ABCA12: variants seen among roughly 807,000 people sequenced by gnomAD.
The protein encoded by ABCA12 is ATP binding cassette subfamily A member 12.
A neutral mutation model predicts 293.5 loss-of-function variants in ABCA12; 156 were observed. The ratio of observed to expected loss-of-function variants is 0.53; its 90% CI spans 0.47 to 0.61. ABCA12 has a LOEUF of 0.61. Among genes scored for constraint, ABCA12 ranks in the 20% least tolerant of loss-of-function variants. ABCA12 has a pLI of 0.00. For synonymous variants in ABCA12, 1,063 were observed against 1,108.0 expected, an observed-to-expected ratio of 0.96 and a Z score of 0.81; for missense variants, 2,797 against 3,090.2, an observed-to-expected ratio of 0.91 and a Z score of 2.25.
chr2:215,036,952 C>A lies in ABCA12; in HGVS notation c.985+1G>T. ...AACACAGTAAGATGGAAATATAATA[C>A]CTTGAGCTGGGGAGTCCAGAGTGTA... On this transcript the variant is annotated splice_donor_variant, in intron 8 of 52. Transcript: ENST00000272895. LOFTEE classifies it high-confidence loss of function. 6.2e-7 allele frequency: 1 copy of A among 1,612,736 alleles called. No individual in the cohort carries two copies. The highest frequency in any genetic ancestry group is 1.1e-5 in the South Asian group (1 of 91,054).
chr2:215,087,069 A>C (rs1281101427), intron 2 of ABCA12, among the ~76,000 whole-genome samples: 1 of 152,022 alleles, frequency 6.6e-6, no homozygotes, highest in African/African-American at 2.4e-5. Flanking sequence ...CAGCTTCCCA[A>C]GTAGCTGGGA....
intron 2 of ABCA12, among the ~76,000 whole-genome samples, chr2:215,106,862 T>C (rs182759704): frequency 1.3e-5 from 2 of 152,242 alleles, no homozygotes; most frequent in East Asian, 3.9e-4. Flanking sequence ...TAATATAAAT[T>C]TGGATATAAT....
Position 214,973,403 on chromosome 2 carries a change from G to A in ABCA12, c.5562+546C>T, listed in dbSNP as rs569684504. Among the ~76,000 whole-genome samples the A allele has an allele frequency of 5.3e-5, 8 of 152,220 alleles. No homozygotes were observed. In the South Asian group the frequency reaches 1.0e-3, roughly 20 times the overall value. On this transcript the variant is annotated intron_variant, in intron 36 of 52. Coordinates refer to ENST00000272895, the MANE Select transcript of ABCA12 (RefSeq NM_173076.3). The stretch of plus-strand genomic sequence containing the variant: ...AACTTCTCTAGTGAATGTGGTTCTC[G>A]TACAAGTGTGGTGAACTGATAGGCT...
Position 215,019,333 on chromosome 2 carries a change from C to A in ABCA12, c.1657+3G>T, listed in dbSNP as rs765912792. On this transcript the variant is annotated splice_donor_region_variant and intron_variant, in intron 13 of 52. Coordinates refer to ENST00000272895, the MANE Select transcript of ABCA12 (RefSeq NM_173076.3). ...AAGATTTAAAATGTGGATGGGGAAA[C>A]ACCTGGCTTTTCAGAAGCATCTGCA... is the stretch of plus-strand genomic sequence containing the variant. 6.2e-7 allele frequency: 1 copy of A among 1,604,244 alleles called. No individual in the cohort carries two copies. The highest frequency in any genetic ancestry group is 2.2e-5 in the East Asian group (1 of 44,836).
Position 214,990,936 on chromosome 2 carries a change from G to T in ABCA12, c.3390C>A (p.Ile1130=), listed in dbSNP as rs760924535. The part of the protein sequence containing the change: ...GFLLVTIVIL[I]IILKFGNILP... ...GAATATTGCCAAACTTGAGTATAATGATGAGGATCACGATGGTAACCAGTA... is the reference window on the plus strand; with the variant it reads ...GAATATTGCCAAACTTGAGTATAATTATGAGGATCACGATGGTAACCAGTA... Residue 1130 remains isoleucine (I), a synonymous_variant, in exon 24 of 53, where the codon ATC becomes ATA. Coordinates refer to ENST00000272895, the MANE Select transcript of ABCA12 (RefSeq NM_173076.3). 5 of 1,614,022 alleles carry T rather than the reference G, an allele frequency of 3.1e-6. No homozygotes were observed. The South Asian group carries it at 5.5e-5, about 18-fold the overall frequency.
intron 7 of ABCA12, among the ~76,000 whole-genome samples, chr2:215,041,886 A>C (rs539570053): frequency 7.9e-5 from 12 of 152,374 alleles, no homozygotes; most frequent in African/African-American, 2.9e-4. Flanking sequence ...TGAAGACATG[A>C]TGTGAAATGA....
At position 215,025,759 on chromosome 2, in the gene ABCA12, A is replaced by G. The variant is rs747544761; in HGVS notation, c.1201T>C (p.Ser401Pro). Residue 401 changes from serine (S) to proline (P), a missense_variant, in exon 11 of 53, where the codon TCC becomes CCC. Coordinates refer to ENST00000272895, the MANE Select transcript of ABCA12 (RefSeq NM_173076.3). ...AAAGATTTTTTAAATCGTATTGTGG[A>G]CTGCAGGAGTCTTAGATTTTCTGTA... Reference protein sequence around the residue: ...GSPENLRLLQSTIRFKKSFLR... With the variant: ...GSPENLRLLQPTIRFKKSFLR... The G allele has an allele frequency of 6.2e-7, 1 of 1,612,140 alleles. No homozygotes were observed. The highest frequency in any genetic ancestry group is 1.1e-5 in the South Asian group (1 of 91,046).
chr2:215,024,888 A>G (rs2091095), intron 11 of ABCA12, among the ~76,000 whole-genome samples: 151,865 of 152,288 alleles, frequency 1, 75,725 homozygotes, highest in East Asian at 1. Flanking sequence ...GAGATAAAGA[A>G]TAATAGACAA....
Position 214,932,635 on chromosome 2 carries a change from T to TA in ABCA12, c.7786dup (p.Ter2596LeufsTer33). The TA allele has an allele frequency of 6.2e-7, 1 of 1,610,856 alleles. No individual in the cohort carries two copies. The highest frequency in any genetic ancestry group is 8.5e-7 in the Non-Finnish European group (1 of 1,177,276). On this transcript the variant is annotated frameshift_variant and stop_lost, in exon 53 of 53. Coordinates refer to ENST00000272895, the MANE Select transcript of ABCA12 (RefSeq NM_173076.3). LOFTEE classifies it high-confidence loss of function. Reference sequence around the variant, plus strand: ...CTGAGATTGAGTTTGCTGGAAGTGTTAAGACTCCATCTGGTCATCTTGTGA... The same window carrying TA: ...CTGAGATTGAGTTTGCTGGAAGTGTTAAAGACTCCATCTGGTCATCTTGTGA...
At chr2:215,108,184 C>T (rs897099805) in intron 2 of ABCA12, among the ~76,000 whole-genome samples, 21 of 152,084 alleles carry the variant, frequency 1.4e-4, no homozygotes, top group African/African-American at 5.1e-4. Context: ...TTAAAGAGGA[C>T]CTAATTTCTA....
chr2:214,981,266 T>C (rs944228615), intron 30 of ABCA12, among the ~76,000 whole-genome samples: 4 of 152,118 alleles, frequency 2.6e-5, no homozygotes, highest in Non-Finnish European at 5.9e-5. Context: ...CTATTAGAAT[T>C]TTGCTCCCAT....
intron 2 of ABCA12, among the ~76,000 whole-genome samples, chr2:215,074,293 C>G (rs1015380251): frequency 6.6e-6 from 1 of 152,120 alleles, no homozygotes; most frequent in Non-Finnish European, 1.5e-5. Flanking sequence ...TATTTGTAAA[C>G]TGTCACCTTA....
chr2:214,991,120 A>ACAG, intron 23 of ABCA12, 89 bp from the exon 24 acceptor site: 1 of 1,180,972 alleles, frequency 8.5e-7, no homozygotes, highest in Non-Finnish European at 1.2e-6. Context: ...ATGTCATGAT[A>ACAG]GTCTCTCTGT....
At chr2:215,035,331 T>C (rs971920496) in intron 8 of ABCA12, among the ~76,000 whole-genome samples, 6 of 152,144 alleles carry the variant, frequency 3.9e-5, no homozygotes, top group Non-Finnish European at 7.4e-5. Context: ...ATACATTTCC[T>C]TGGTGTATGT....
intron 48 of ABCA12, among the ~76,000 whole-genome samples, chr2:214,945,754 A>G (rs1698562689): frequency 6.6e-6 from 1 of 152,214 alleles, no homozygotes; most frequent in Admixed American, 6.5e-5. Flanking sequence ...ACTATAGGGC[A>G]AGATTAGGTA....
chr2:215,073,927 T>C (rs576945666), intron 2 of ABCA12, among the ~76,000 whole-genome samples: 1 of 152,322 alleles, frequency 6.6e-6, no homozygotes, highest in East Asian at 1.9e-4. Context: ...GAAACTAAAC[T>C]CTATCTCCCC....
At chr2:215,058,104 C>T (rs1701455135) in intron 3 of ABCA12, among the ~76,000 whole-genome samples, 1 of 152,040 alleles carries the variant, frequency 6.6e-6, no homozygotes, top group South Asian at 2.1e-4. Context: ...AATATCCTTA[C>T]TCACATCCTT....
At chr2:214,968,619 C>G in intron 38 of ABCA12, 101 bp downstream of exon 38, 1 of 1,140,570 alleles carries the variant, frequency 8.8e-7, no homozygotes, top group Non-Finnish European at 1.3e-6. Context: ...AATGCCAAAT[C>G]GATTGTACCC....
intron 2 of ABCA12, among the ~76,000 whole-genome samples, chr2:215,065,564 A>G (rs1447340138): frequency 6.6e-6 from 1 of 151,992 alleles, no homozygotes; most frequent in Non-Finnish European, 1.5e-5. Context: ...AAAGAGGGAA[A>G]AAGAGAGATT....
Sources: gnomAD v4.1 joint callset for allele counts (sites outside exome capture counted in the v4.1 genomes callset) on GRCh38, gnomAD v4.1.1 for gene constraint, MANE v1.5 for transcripts, NCBI Gene and HGNC (gene_info 2026-07-23, HGNC 2026-07-21) for gene names.